ACAP2: variants seen among roughly 807,000 people sequenced by gnomAD.
ACAP2 encodes ArfGAP with coiled-coil, ankyrin repeat and PH domains 2, also known as arf-GAP with coiled-coil, ANK repeat and PH domain-containing protein 2.
ACAP2 carries 39 observed loss-of-function variants against 115.8 expected under a neutral mutation model. That is an observed-to-expected ratio of 0.34 (90% CI 0.26 to 0.44). The LOEUF (loss-of-function observed/expected upper bound fraction) is 0.44. Ranked by LOEUF, ACAP2 falls within the 20% of genes least tolerant of loss-of-function variation. ACAP2 has a pLI of 1.00. For missense variants in ACAP2, 662 were observed against 927.6 expected (o/e 0.71, Z 3.72); for synonymous variants, 289 against 315.8 (o/e 0.92, Z 0.90).
At chr3:195,280,249 G>C (rs1169605924) in intron 22 of ACAP2, among the ~76,000 whole-genome samples, 1 of 152,178 alleles carries the variant, frequency 6.6e-6, no homozygotes, top group Non-Finnish European at 1.5e-5. Flanking sequence ...GAGGCGGGCA[G>C]ATCACCTGAG....
intron 2 of ACAP2, among the ~76,000 whole-genome samples, chr3:195,382,965 T>C (rs1435020970): frequency 1.3e-5 from 2 of 151,940 alleles, no homozygotes; most frequent in African/African-American, 2.4e-5. Flanking sequence ...GATATTGCTA[T>C]ACTGTTAAGG....
At position 195,274,745 on chromosome 3, in the gene ACAP2, T is replaced by G. The variant is rs1201866904; in HGVS notation, c.*4583A>C. On this transcript the variant is annotated 3_prime_UTR_variant, in exon 23 of 23. Coordinates refer to ENST00000326793, the MANE Select transcript of ACAP2 (RefSeq NM_012287.6). ...AAAATGTAAATCACCATGAAAGAAC[T>G]AAGCCAGAGGTGAGATCTTTATTGA... The G allele has an allele frequency of 2.0e-5, 3 of 152,590 alleles. No homozygotes were observed. Among genetic ancestry groups the G allele is most frequent in the Non-Finnish European group, 2.9e-5 (2 of 68,016 alleles). The allele number at this position is 152,590 out of a possible 1,614,324, so 9.5% of individuals were successfully genotyped here. A position where few individuals can be genotyped will look rare whatever the true frequency, so the allele number is the denominator to read the frequency against.
intron 4 of ACAP2, among the ~76,000 whole-genome samples, chr3:195,360,376 C>G (rs1485668062): frequency 6.6e-6 from 1 of 152,056 alleles, no homozygotes; most frequent in African/African-American, 2.4e-5. Flanking sequence ...ATATATAAAG[C>G]AAATATCATT....
intron 1 of ACAP2, among the ~76,000 whole-genome samples, chr3:195,421,164 G>T (rs1048442079): frequency 6.6e-6 from 1 of 151,948 alleles, no homozygotes; most frequent in African/African-American, 2.4e-5. Context: ...GTCCTTAAAG[G>T]TTCACATCAG....
intron 8 of ACAP2, among the ~76,000 whole-genome samples, chr3:195,331,760 G>A (rs1730182951): frequency 6.6e-6 from 1 of 152,046 alleles, no homozygotes; most frequent in Non-Finnish European, 1.5e-5. Flanking sequence ...CTAATATAAT[G>A]TTATCATCAG....
intron 1 of ACAP2, among the ~76,000 whole-genome samples, chr3:195,411,673 A>G (rs823314): frequency 0.54 from 82,284 of 152,066 alleles, 23,786 homozygotes; most frequent in East Asian, 0.89. Flanking sequence ...GCCAATTCCA[A>G]ATGAATAAAT....
At chr3:195,393,437 T>C (rs1711510872) in intron 1 of ACAP2, among the ~76,000 whole-genome samples, 1 of 152,216 alleles carries the variant, frequency 6.6e-6, no homozygotes, top group South Asian at 2.1e-4. Flanking sequence ...TGTTTAAATC[T>C]CTAAAATAAG....
chr3:195,386,144 A>G (rs1312812577), intron 2 of ACAP2, among the ~76,000 whole-genome samples: 3 of 152,250 alleles, frequency 2.0e-5, no homozygotes, highest in South Asian at 2.1e-4. Flanking sequence ...ACATAAGACC[A>G]AATATTGTAT....
intron 21 of ACAP2, among the ~76,000 whole-genome samples, chr3:195,288,164 T>C (rs1222106091): frequency 6.6e-6 from 1 of 152,062 alleles, no homozygotes; most frequent in Non-Finnish European, 1.5e-5. Flanking sequence ...TCAGGCAGTA[T>C]AGCATAAATG....
rs573586657 is a variant in ACAP2 at position 195,395,862 on chromosome 3, T to C, written c.54-3715A>G. On this transcript the variant is annotated intron_variant, in intron 1 of 22. Transcript: ENST00000326793. ...TAAGCCCAGAATTCAGAAAAACAGATACTTTATTTTTAATAACAATACCTT... is the reference window on the plus strand; with the variant it reads ...TAAGCCCAGAATTCAGAAAAACAGACACTTTATTTTTAATAACAATACCTT... Among the ~76,000 whole-genome samples, 10 of 152,312 alleles carry C rather than the reference T, an allele frequency of 6.6e-5. No homozygotes were observed. The East Asian group carries it at 1.5e-3, about 24-fold the overall frequency.
At chr3:195,407,745 G>A (rs1712911584) in intron 1 of ACAP2, among the ~76,000 whole-genome samples, 1 of 152,014 alleles carries the variant, frequency 6.6e-6, no homozygotes, top group Non-Finnish European at 1.5e-5. Flanking sequence ...CTAACTTTAT[G>A]ACTTAAGGAA....
chr3:195,442,282 GC>G (rs1355275528), intron 1 of ACAP2: 17 of 153,612 alleles, frequency 1.1e-4, no homozygotes, highest in Admixed American at 1.0e-3. Flanking sequence ...GTCCCAGTTC[GC>G]CCCCTACTCT....
At chr3:195,385,095 T>TA (rs992709412) in intron 2 of ACAP2, among the ~76,000 whole-genome samples, 13 of 150,132 alleles carry the variant, frequency 8.7e-5, no homozygotes, top group African/African-American at 1.5e-4. Flanking sequence ...ATATGGTTAC[T>TA]AAAAAAAAAG....
chr3:195,344,665 C>T (rs1731083516), intron 5 of ACAP2, among the ~76,000 whole-genome samples: 1 of 152,134 alleles, frequency 6.6e-6, no homozygotes, highest in African/African-American at 2.4e-5. Context: ...GGATTACAGG[C>T]ATGCACCACC....
chr3:195,361,833 A>T (rs1037439187), intron 4 of ACAP2, among the ~76,000 whole-genome samples: 1 of 152,208 alleles, frequency 6.6e-6, no homozygotes, highest in African/African-American at 2.4e-5. Flanking sequence ...ATGAAAAAGG[A>T]GACATTATAA....
At chr3:195,285,886 TGAC>T in intron 21 of ACAP2, 29 bp from the exon 22 acceptor site, 1 of 1,481,992 alleles carries the variant, frequency 6.7e-7, no homozygotes, top group Non-Finnish European at 9.3e-7. Context: ...GTGTTTTAGA[TGAC>T]ATTATATAAT....
intron 1 of ACAP2, among the ~76,000 whole-genome samples, chr3:195,413,657 G>A (rs1202844057): frequency 6.6e-6 from 1 of 152,134 alleles, no homozygotes; most frequent in African/African-American, 2.4e-5. Flanking sequence ...CTGAGGCACG[G>A]AGAATCGCTT....
intron 4 of ACAP2, among the ~76,000 whole-genome samples, chr3:195,351,535 C>T (rs1731603983): frequency 6.6e-6 from 1 of 151,354 alleles, no homozygotes; most frequent in Non-Finnish European, 1.5e-5. Context: ...GATGTCAGCT[C>T]ACTGCAAGCT....
At chr3:195,335,187 C>G (rs73069067) in intron 7 of ACAP2, among the ~76,000 whole-genome samples, 2 of 152,048 alleles carry the variant, frequency 1.3e-5, no homozygotes, top group Non-Finnish European at 2.9e-5. Context: ...TACATACTGT[C>G]TCTCTCATTA....
Sources: allele counts gnomAD v4.1 joint callset (sites outside exome capture counted in the v4.1 genomes callset), GRCh38; gene constraint gnomAD v4.1.1; transcripts MANE v1.5; gene names NCBI Gene and HGNC (gene_info 2026-07-23, HGNC 2026-07-21).